The following ODAM variants were observed in gnomAD, a reference collection of about 807,000 sequenced individuals.
ODAM encodes odontogenic, ameloblast associated.
A neutral mutation model predicts 48.5 loss-of-function variants in ODAM; 55 were observed. The ratio of observed to expected loss-of-function variants is 1.13; its 90% confidence interval spans 0.91 to 1.42. ODAM has a LOEUF of 1.42. ODAM is among the 40% of genes most tolerant of loss of function. ODAM has a pLI of 0.00. For synonymous variants in ODAM, 127 were observed against 107.8 expected (o/e 1.18, Z -1.10); for missense variants, 353 against 323.6 (o/e 1.09, Z -0.70).
chr4:70,203,412 A>C (rs1201082829), intron 11 of ODAM, among the ~76,000 whole-genome samples, 198 bp downstream of exon 11: 1 of 151,956 alleles, frequency 6.6e-6, no homozygotes, highest in East Asian at 1.9e-4. Flanking sequence ...TTTGAGAATC[A>C]TGTCTGCCTA....
chr4:70,196,823 T>C (rs980599538), intron 3 of ODAM, 90 bp downstream of exon 3: 10 of 1,011,030 alleles, frequency 9.9e-6, no homozygotes, highest in South Asian at 6.3e-5. Flanking sequence ...TTATACTGTG[T>C]TCCTCACCAC....
chr4:70,200,814 A>G (rs999340436), intron 7 of ODAM, among the ~76,000 whole-genome samples: 29 of 151,994 alleles, frequency 1.9e-4, no homozygotes, highest in African/African-American at 6.8e-4. Context: ...ATTTTTAGCC[A>G]ATGAAATCAG....
chr4:70,202,642 T>A lies in ODAM; in HGVS notation c.649-114T>A. 4 of 719,376 alleles carry A rather than the reference T, an allele frequency of 5.6e-6. No homozygotes were observed. In the South Asian group the frequency reaches 9.3e-5, roughly 17 times the overall value. The allele number at this position is 719,376 out of a possible 1,614,324, so 44.6% of individuals were successfully genotyped here. On this transcript the variant is annotated intron_variant, in intron 9 of 11. Coordinates refer to ENST00000683306, the MANE Select transcript of ODAM (RefSeq NM_017855.4). ...CTAAAAATACTAATAATAGCAACTC[T>A]TTTTTTAATATAATGCTTTTGTTAC...
intron 6 of ODAM, chr4:70,200,189 A>G: frequency 4.9e-6 from 2 of 404,968 alleles, no homozygotes; most frequent in South Asian, 3.9e-5. Flanking sequence ...AGGTATTTGC[A>G]AAGTAATTTG....
chr4:70,202,176 CTACTCTGG>C, intron 8 of ODAM, 74 bp from the exon 9 acceptor site: 1 of 931,890 alleles, frequency 1.1e-6, no homozygotes, highest in East Asian at 2.5e-5. Flanking sequence ...GAGTGTTTTA[CTACTCTGG>C]TACTCTGGGT....
At chr4:70,198,228 T>G in intron 5 of ODAM, 71 bp downstream of exon 5, 1 of 1,250,598 alleles carries the variant, frequency 8.0e-7, no homozygotes, top group Non-Finnish European at 1.1e-6. Flanking sequence ...TGAATATGAA[T>G]CAGCTTTGAA....
intron 4 of ODAM, chr4:70,197,646 G>C (rs1028412103): frequency 3.7e-6 from 2 of 539,946 alleles, no homozygotes; most frequent in Non-Finnish European, 6.5e-6. Flanking sequence ...TTAAGGTAGG[G>C]GAAAATACAG....
At chr4:70,202,721 T>TA (rs1267271436) in intron 9 of ODAM, 35 bp from the exon 10 acceptor site, 1 of 1,570,536 alleles carries the variant, frequency 6.4e-7, no homozygotes, top group Non-Finnish European at 8.7e-7. Context: ...TTGTTGAACT[T>TA]ACGACAACTT....
At chr4:70,197,657 A>G (rs1514394) in intron 4 of ODAM, 73,665 of 544,296 alleles carry the variant, frequency 0.14, 5,947 homozygotes, top group South Asian at 0.24. Flanking sequence ...GAAAATACAG[A>G]CGGTTTAAAA....
rs1317691199 is a variant in ODAM at position 70,204,182 on chromosome 4, G to T, written c.*37G>T. On this transcript the variant is annotated 3_prime_UTR_variant, in exon 12 of 12. Transcript: ENST00000683306. ...TTCTATTATATTTTTCAGGGAAAAAGATGTGGCCATGCCTTGGATATAATT... is the reference window on the plus strand; with the variant it reads ...TTCTATTATATTTTTCAGGGAAAAATATGTGGCCATGCCTTGGATATAATT... The T allele has an allele frequency of 6.6e-6, 1 of 151,956 alleles. No individual in the cohort carries two copies. Among genetic ancestry groups the T allele is most frequent in the Non-Finnish European group, 1.5e-5 (1 of 67,952 alleles). 9.4% of individuals were successfully genotyped at this position (151,956 alleles called of 1,614,324 possible).
rs1358054058 is a variant in ODAM, at chr4:70,200,608, C to T, written c.528+7C>T. On this transcript the variant is annotated splice_region_variant and intron_variant, in intron 7 of 11. Transcript: ENST00000683306. Reference sequence around the variant, plus strand: ...GCAACAGTATGAGGAGCAGGTACTGCAAATGTTTTATTTTAATCCTACTAG... The same window carrying T: ...GCAACAGTATGAGGAGCAGGTACTGTAAATGTTTTATTTTAATCCTACTAG... 6 of 1,559,430 alleles carry T rather than the reference C, an allele frequency of 3.8e-6. No homozygotes were observed. The highest frequency in any genetic ancestry group is 1.1e-5 in the South Asian group (1 of 88,972).
Position 70,198,042 on chromosome 4 carries a change from T to C in ODAM, c.260T>C (p.Leu87Pro). The C allele has an allele frequency of 6.2e-7, 1 of 1,613,330 alleles. No individual in the cohort carries two copies. The highest frequency in any genetic ancestry group is 2.2e-5 in the East Asian group (1 of 44,812). Reference protein sequence around the residue: ...LSALDQFAGLLPNQIPLTGEA... With the variant: ...LSALDQFAGLPPNQIPLTGEA... Reference sequence around the variant, plus strand: ...GCTCTAGACCAGTTTGCTGGACTGCTCCCAAATCAGATACCCTTAACAGGA... The same window carrying C: ...GCTCTAGACCAGTTTGCTGGACTGCCCCCAAATCAGATACCCTTAACAGGA... The change falls in exon 5 of 12, where the codon CTC (leucine) becomes CCC (proline). Residue 87 changes from leucine to proline, a missense_variant. Leu to Pro is a moderately conservative substitution (Grantham distance 98, BLOSUM62 -3). Transcript: ENST00000683306.
chr4:70,198,186 G>GC, intron 5 of ODAM, 29 bp downstream of exon 5: 1 of 1,566,310 alleles, frequency 6.4e-7, no homozygotes, highest in Non-Finnish European at 8.7e-7. Context: ...ATTTTGTTCT[G>GC]AGGAGAGAGA....
In ODAM at chr4:70,203,227, CA is replaced by C. The variant is rs756680573; in HGVS notation, c.*29+16del. 12 of 1,492,974 alleles carry C rather than the reference CA, an allele frequency of 8.0e-6. No homozygotes were observed. In the African/African-American group the frequency reaches 1.4e-4, roughly 17 times the overall value. 92.5% of individuals were successfully genotyped at this position (1,492,974 alleles called of 1,614,324 possible). On this transcript the variant is annotated intron_variant, in intron 11 of 11. Coordinates refer to ENST00000683306, the MANE Select transcript of ODAM (RefSeq NM_017855.4). ...TTCAGACATTTTGGTAGGTATTTGC[CA>C]AAGTCAAGAATTAGGTGCCACGACA...
chr4:70,198,836 C>G (rs1329551144), intron 6 of ODAM, among the ~76,000 whole-genome samples: 1 of 151,986 alleles, frequency 6.6e-6, no homozygotes, highest in African/African-American at 2.4e-5. Flanking sequence ...AGTAGAGTCT[C>G]CAGGACCCCT....
intron 6 of ODAM, among the ~76,000 whole-genome samples, chr4:70,199,327 C>T (rs17148345): frequency 0.03 from 4,485 of 151,988 alleles, 229 homozygotes; most frequent in African/African-American, 0.1. Context: ...TAAAAAGTTA[C>T]AGCATTTGAC....
intron 3 of ODAM, 76 bp from the exon 4 acceptor site, chr4:70,197,198 A>G (rs1225330670): frequency 4.4e-5 from 33 of 752,316 alleles, no homozygotes; most frequent in Non-Finnish European, 7.2e-5. Flanking sequence ...GACTTGTGCT[A>G]TATTTGCAGT....
Position 70,201,511 on chromosome 4 carries a change from T to C in ODAM, c.576+10T>C. On this transcript the variant is annotated intron_variant, in intron 8 of 11. Transcript: ENST00000683306. ...ACAACTAGCAGAACCTGTAAGTAAA[T>C]GCATATTTTTCATTAAAAATATTTT... The C allele has an allele frequency of 1.4e-6, 2 of 1,408,868 alleles. No individual in the cohort carries two copies. The highest frequency in any genetic ancestry group is 2.0e-6 in the Non-Finnish European group (2 of 998,278). The allele number at this position is 1,408,868 out of a possible 1,614,324, so 87.3% of individuals were successfully genotyped here.
rs1487149571 is a variant in ODAM, at chr4:70,202,927, T to C, written c.810+10T>C. On this transcript the variant is annotated intron_variant, in intron 10 of 11. Transcript: ENST00000683306. ...GCTCCCAGAAGAGAAGGTAGAGTCA[T>C]GAAAACTTCACTTTATGCAAAAAAA... is the stretch of plus-strand genomic sequence containing the variant. 3.1e-6 allele frequency: 5 copies of C among 1,591,194 alleles called. No homozygotes were observed. Among genetic ancestry groups the C allele is most frequent in the Non-Finnish European group, 3.4e-6 (4 of 1,172,270 alleles).
Sources: gnomAD v4.1 joint callset for allele counts (sites outside exome capture counted in the v4.1 genomes callset) on GRCh38, gnomAD v4.1.1 for gene constraint, MANE v1.5 for transcripts, NCBI Gene and HGNC (gene_info 2026-07-23, HGNC 2026-07-21) for gene names.